The following MYO1H variants were observed in gnomAD, a reference collection of about 807,000 sequenced individuals.
The protein encoded by MYO1H is unconventional myosin-Ih.
MYO1H carries 118 observed loss-of-function variants against 149.3 expected under a neutral mutation model. The ratio of observed to expected loss-of-function variants is 0.79; its 90% CI spans 0.68 to 0.92. MYO1H has a LOEUF of 0.92. Ranked by LOEUF, MYO1H falls within the 40% of genes least tolerant of loss-of-function variation. MYO1H has a pLI of 0.00. For missense variants in MYO1H, 1,212 were observed against 1,280.7 expected, an observed-to-expected ratio of 0.95 and a Z score of 0.82; for synonymous variants, 447 against 465.2, an observed-to-expected ratio of 0.96 and a Z score of 0.50.
Position 109,434,268 on chromosome 12 carries a change from C to T in MYO1H, c.2064-769C>T, listed in dbSNP as rs140056763. On this transcript the variant is annotated intron_variant, in intron 20 of 31. Coordinates refer to ENST00000310903, the Ensembl canonical transcript of MYO1H. The stretch of plus-strand genomic sequence containing the variant: ...CAGGTGATTCACCTGCCTCGGCCTC[C>T]CAAAGTGCTGGGATTGCAGGCGTGA... Among the ~76,000 whole-genome samples, 1,498 of 152,258 alleles carry T rather than the reference C, an allele frequency of 9.8e-3. 33 individuals carry two copies. Among genetic ancestry groups the T allele is most frequent in the African/African-American group, 0.034 (1,431 of 41,556 alleles).
chr12:109,423,684 G>A (rs1871260661), intron 16 of MYO1H, among the ~76,000 whole-genome samples: 1 of 152,196 alleles, frequency 6.6e-6, no homozygotes, highest in African/African-American at 2.4e-5. Flanking sequence ...GAATCAGACA[G>A]TGTTTTTCTT....
intron 27 of MYO1H, 118 bp from the exon 28 acceptor site, chr12:109,443,396 A>ACG: frequency 9.4e-7 from 1 of 1,065,732 alleles, no homozygotes; most frequent in African/African-American, 1.6e-5. Flanking sequence ...ACACACACAT[A>ACG]CACGCAAAAT....
intron 1 of MYO1H, among the ~76,000 whole-genome samples, chr12:109,353,896 A>G (rs1868523964): frequency 1.3e-5 from 2 of 152,142 alleles, no homozygotes; most frequent in South Asian, 4.1e-4. Flanking sequence ...ACCTCAGGTG[A>G]TCTGCCCGCC....
At chr12:109,318,960 G>GTTTCTTTTTTT in the MYO1H span, among the ~76,000 whole-genome samples, 1 of 77,938 alleles carries the variant, frequency 1.3e-5, no homozygotes, top group African/African-American at 6.6e-5. Context: ...AACTCTCTGC[G>GTTTCTTTTTTT]TTTTTGGTTT....
At chr12:109,405,599 C>T (rs1468247267) in intron 7 of MYO1H, among the ~76,000 whole-genome samples, 7 of 152,272 alleles carry the variant, frequency 4.6e-5, no homozygotes, top group South Asian at 2.1e-4. Flanking sequence ...CGTGAGCCAC[C>T]GCGCCCGGCC....
the MYO1H span, among the ~76,000 whole-genome samples, chr12:109,318,959 CGTTTTTGGTTTT>C: frequency 3.9e-4 from 8 of 20,458 alleles, no homozygotes; most frequent in African/African-American, 4.1e-3. Flanking sequence ...GAACTCTCTG[CGTTTTTGGTTTT>C]GTTTTTTTTT....
At chr12:109,420,538 G>A (rs1871129221) in intron 15 of MYO1H, among the ~76,000 whole-genome samples, 1 of 152,154 alleles carries the variant, frequency 6.6e-6, no homozygotes, top group Non-Finnish European at 1.5e-5. Context: ...GAAGGGGGAA[G>A]TGCTACAAAC....
chr12:109,443,913 C>A (rs900455471), intron 28 of MYO1H, among the ~76,000 whole-genome samples: 9 of 149,542 alleles, frequency 6.0e-5, no homozygotes, highest in South Asian at 4.2e-4. Flanking sequence ...AAAAAAAAAA[C>A]AAAAAACAAA....
chr12:109,410,342 A>G (rs1200519825), intron 12 of MYO1H, among the ~76,000 whole-genome samples: 1 of 151,896 alleles, frequency 6.6e-6, no homozygotes, highest in Admixed American at 6.6e-5. Flanking sequence ...GGGTCTCTCT[A>G]TGTTGCCCAG....
intron 1 of MYO1H, among the ~76,000 whole-genome samples, chr12:109,382,961 G>A (rs576840413): frequency 6.7e-6 from 1 of 149,318 alleles, no homozygotes; most frequent in Non-Finnish European, 1.5e-5. Context: ...AATAATACTG[G>A]CAGTACACAG....
At chr12:109,388,529 C>T (rs1286373738) in intron 1 of MYO1H, among the ~76,000 whole-genome samples, 154 bp from the exon 2 acceptor site, 1 of 152,042 alleles carries the variant, frequency 6.6e-6, no homozygotes, top group Non-Finnish European at 1.5e-5. Flanking sequence ...ATCTTGTATC[C>T]CCAACCATAT....
At chr12:109,330,826 C>T in the MYO1H span, among the ~76,000 whole-genome samples, 1 of 151,996 alleles carries the variant, frequency 6.6e-6, no homozygotes, top group Non-Finnish European at 1.5e-5. Flanking sequence ...CCCCTTTTTT[C>T]CCCCAGCTAA....
intron 1 of MYO1H, among the ~76,000 whole-genome samples, chr12:109,387,138 C>G (rs1212744882): frequency 6.6e-6 from 1 of 151,700 alleles, no homozygotes; most frequent in Non-Finnish European, 1.5e-5. Flanking sequence ...CCTGTGTTGC[C>G]CAGGCTGGTC....
intron 19 of MYO1H, among the ~76,000 whole-genome samples, chr12:109,429,452 A>G (rs1398254443): frequency 6.6e-6 from 1 of 152,228 alleles, no homozygotes; most frequent in African/African-American, 2.4e-5. Flanking sequence ...CAACAATAAT[A>G]ATACAAATTA....
chr12:109,324,807 A>G, the MYO1H span, among the ~76,000 whole-genome samples: 4 of 152,004 alleles, frequency 2.6e-5, no homozygotes, highest in African/African-American at 4.8e-5. Context: ...GCACCATCCA[A>G]CCCATCATCT....
At chr12:109,385,403 C>T (rs59601948) in intron 1 of MYO1H, among the ~76,000 whole-genome samples, 6,183 of 117,922 alleles carry the variant, frequency 0.052, 156 homozygotes, top group African/African-American at 0.085. Flanking sequence ...TCATGCGATC[C>T]TCCCACTTCA....
At chr12:109,355,834 A>G (rs1054242578) in intron 1 of MYO1H, among the ~76,000 whole-genome samples, 3 of 151,158 alleles carry the variant, frequency 2.0e-5, no homozygotes, top group Admixed American at 6.6e-5. Flanking sequence ...CAGCCTCCCA[A>G]GTAGCTGGGA....
chr12:109,312,115 T>A, the MYO1H span, among the ~76,000 whole-genome samples: 1 of 152,238 alleles, frequency 6.6e-6, no homozygotes, highest in African/African-American at 2.4e-5. Flanking sequence ...ACATGCAATG[T>A]GTAGAAACAG....
chr12:109,407,247 G>A (rs1434325609), intron 9 of MYO1H, among the ~76,000 whole-genome samples: 1 of 151,986 alleles, frequency 6.6e-6, no homozygotes, highest in Non-Finnish European at 1.5e-5. Flanking sequence ...TGTATCTCTT[G>A]TAGCCCTTTC....
Sources: allele counts gnomAD v4.1 joint callset (sites outside exome capture counted in the v4.1 genomes callset), GRCh38; gene constraint gnomAD v4.1.1; transcripts MANE v1.5; gene names NCBI Gene and HGNC (gene_info 2026-07-23, HGNC 2026-07-21).